Variants in SOBP observed in about 807,000 individuals in gnomAD.
SOBP encodes the protein sine oculis binding protein homolog.
SOBP carries 4 observed loss-of-function variants against 53.6 expected under a neutral mutation model. The observed-to-expected ratio is 0.07, with a 90% CI of 0.04 to 0.17. The LOEUF (loss-of-function observed/expected upper bound fraction) is 0.17, where lower values mean the gene tolerates loss of function less well. Ranked by LOEUF, SOBP falls within the 10% of genes least tolerant of loss-of-function variation. The probability of loss-of-function intolerance (pLI) is 1.00; values close to 1 mark genes in which losing one functional copy is unlikely to be tolerated. For missense variants in SOBP, 1,088 were observed against 1,204.7 expected, an observed-to-expected ratio of 0.90 and a Z score of 1.43; for synonymous variants, 584 against 522.6, an observed-to-expected ratio of 1.12 and a Z score of -1.60.
At chr6:107,548,359 CAG>C (rs1450479111) in intron 4 of SOBP, among the ~76,000 whole-genome samples, 1 of 151,360 alleles carries the variant, frequency 6.6e-6, no homozygotes, top group Admixed American at 6.6e-5. Flanking sequence ...GTTCCTGCCT[CAG>C]CCTCCCGAGC....
intron 3 of SOBP, chr6:107,514,272 A>G (rs1347164257): frequency 1.3e-5 from 2 of 152,210 alleles, no homozygotes; most frequent in East Asian, 3.8e-4. Flanking sequence ...TGCATATGGA[A>G]GGTGCATGGT....
At chr6:107,619,574 G>T (rs1054920558) in intron 5 of SOBP, among the ~76,000 whole-genome samples, 3 of 152,104 alleles carry the variant, frequency 2.0e-5, no homozygotes, top group Non-Finnish European at 4.4e-5. Flanking sequence ...AGAGAGTTGG[G>T]GCATATTGGT....
intron 4 of SOBP, among the ~76,000 whole-genome samples, chr6:107,533,944 T>C (rs1048793948): frequency 6.6e-6 from 1 of 152,168 alleles, no homozygotes; most frequent in Non-Finnish European, 1.5e-5. Context: ...GTGGTAGATA[T>C]TTCTTTAAAA....
At chr6:107,600,960 A>T (rs1786157719) in intron 5 of SOBP, among the ~76,000 whole-genome samples, 1 of 152,186 alleles carries the variant, frequency 6.6e-6, no homozygotes, top group Admixed American at 6.5e-5. Context: ...TTAAAGTTAT[A>T]TTGTTAAATT....
At chr6:107,503,823 A>C in intron 2 of SOBP, 28 bp downstream of exon 2, 1 of 1,612,642 alleles carries the variant, frequency 6.2e-7, no homozygotes, top group African/African-American at 1.3e-5. Flanking sequence ...CCTTTTGTTC[A>C]TGCAAAGAAG....
intron 1 of SOBP, among the ~76,000 whole-genome samples, chr6:107,492,007 A>T (rs1302978084): frequency 6.6e-6 from 1 of 152,182 alleles, no homozygotes; most frequent in Non-Finnish European, 1.5e-5. Flanking sequence ...GTCAGAAGCA[A>T]CCTAAATATC....
chr6:107,535,638 T>TGTGTGTG (rs201971072), intron 4 of SOBP, among the ~76,000 whole-genome samples: 15 of 129,334 alleles, frequency 1.2e-4, no homozygotes, highest in African/African-American at 4.0e-4. Context: ...TGTGTGTGTG[T>TGTGTGTG]TTTTTTTTTT....
chr6:107,593,740 C>T (rs1785843830), intron 5 of SOBP, among the ~76,000 whole-genome samples: 1 of 152,226 alleles, frequency 6.6e-6, no homozygotes, highest in Admixed American at 6.5e-5. Flanking sequence ...AGTCTTATTA[C>T]TAACAAAATG....
chr6:107,524,459 A>C (rs980017852), intron 3 of SOBP, among the ~76,000 whole-genome samples: 8 of 152,242 alleles, frequency 5.3e-5, no homozygotes, highest in African/African-American at 9.6e-5. Flanking sequence ...TATGGCAGCC[A>C]GCCAGTGAAC....
chr6:107,635,100 G>T lies in SOBP; in HGVS notation c.2256G>T (p.Ala752=). The T allele has an allele frequency of 6.2e-7, 1 of 1,600,150 alleles. No homozygotes were observed. Among genetic ancestry groups the T allele is most frequent in the African/African-American group, 1.3e-5 (1 of 74,302 alleles). Residue 752 remains alanine (A), a synonymous_variant, in exon 6 of 7, where the codon GCG becomes GCT. Coordinates refer to ENST00000317357, the MANE Select transcript of SOBP (RefSeq NM_018013.4). This position sits in a 1 kb window ranked among gnomAD's most constrained non-coding sequence, Gnocchi z 4.5. The stretch of plus-strand genomic sequence containing the variant: ...AGCCGCCGCCGCCGCCGCCGCCCGC[G>T]CCCCCCAAGAAGCTGCTGTCGCCTG... The part of the protein sequence containing the change: ...PEQPPPPPPP[A]PPKKLLSPEE...
At chr6:107,491,295 C>T (rs1782575099) in intron 1 of SOBP, among the ~76,000 whole-genome samples, 1 of 152,228 alleles carries the variant, frequency 6.6e-6, no homozygotes, top group South Asian at 2.1e-4. Context: ...CCGCCCGCAC[C>T]TCACCACTGG....
chr6:107,529,398 T>C (rs1389051896), intron 3 of SOBP: 1 of 972,022 alleles, frequency 1.0e-6, no homozygotes, highest in Non-Finnish European at 1.2e-6. Context: ...CAGACTGCCT[T>C]GTAACTTGTC....
At chr6:107,630,816 T>A (rs1770685903) in intron 5 of SOBP, among the ~76,000 whole-genome samples, 1 of 151,818 alleles carries the variant, frequency 6.6e-6, no homozygotes, top group South Asian at 2.1e-4. Flanking sequence ...TCATGAACTG[T>A]CACACTACTA....
chr6:107,583,802 T>G (rs1286045174), intron 4 of SOBP, among the ~76,000 whole-genome samples: 1 of 152,164 alleles, frequency 6.6e-6, no homozygotes, highest in Admixed American at 6.5e-5. Context: ...AGGTTGAGTG[T>G]TCCTTATCCA....
chr6:107,561,964 C>A (rs2115026108), intron 4 of SOBP, among the ~76,000 whole-genome samples: 1 of 151,502 alleles, frequency 6.6e-6, no homozygotes, highest in Non-Finnish European at 1.5e-5. Context: ...TGACAAAAAT[C>A]ATGTATTCTT....
At chr6:107,571,977 A>G (rs754320370) in intron 4 of SOBP, among the ~76,000 whole-genome samples, 1 of 152,220 alleles carries the variant, frequency 6.6e-6, no homozygotes, top group African/African-American at 2.4e-5. Context: ...GATGTTTTGT[A>G]CAAGGAGAAC....
intron 5 of SOBP, among the ~76,000 whole-genome samples, chr6:107,630,322 C>G (rs1304238574): frequency 1.3e-5 from 2 of 152,176 alleles, no homozygotes; most frequent in African/African-American, 4.8e-5. Flanking sequence ...ACCCACCACA[C>G]CACAATTCAG....
chr6:107,638,829 T>C (rs1482315875), intron 6 of SOBP, among the ~76,000 whole-genome samples: 2 of 152,092 alleles, frequency 1.3e-5, no homozygotes, highest in Admixed American at 6.5e-5. Flanking sequence ...TGTCAATAAC[T>C]TCAGTCAGCT....
chr6:107,495,474 G>A (rs138730713), intron 1 of SOBP, among the ~76,000 whole-genome samples: 86 of 152,262 alleles, frequency 5.6e-4, no homozygotes, highest in African/African-American at 1.9e-3. Context: ...TTCCAGAGAC[G>A]AGGAAATGGA....
Sources: allele counts gnomAD v4.1 joint callset (sites outside exome capture counted in the v4.1 genomes callset), GRCh38; gene constraint gnomAD v4.1.1; non-coding constraint Gnocchi (gnomAD v3.1); transcripts MANE v1.5; gene names NCBI Gene and HGNC (gene_info 2026-07-23, HGNC 2026-07-21).